The following POU2F1 variants were observed in gnomAD, a reference collection of about 807,000 sequenced individuals.
POU2F1 encodes the protein POU class 2 homeobox 1.
A neutral mutation model predicts 84.9 loss-of-function variants in POU2F1; 16 were observed. That is an observed-to-expected ratio of 0.19 (90% CI 0.13 to 0.29). POU2F1 has a LOEUF of 0.29. Ranked by LOEUF, POU2F1 falls within the 10% of genes least tolerant of loss-of-function variation. POU2F1 has a pLI of 1.00. For synonymous variants in POU2F1, 368 were observed against 368.3 expected, an observed-to-expected ratio of 1.00 and a Z score of 0.01; for missense variants, 738 against 942.6, an observed-to-expected ratio of 0.78 and a Z score of 2.84.
chr1:167,340,431 C>CTTTTTTTCTT (rs1657764011), intron 2 of POU2F1, among the ~76,000 whole-genome samples: 1 of 122,326 alleles, frequency 8.2e-6, no homozygotes, highest in African/African-American at 3.4e-5. Context: ...TTCTTTTTTT[C>CTTTTTTTCTT]TTTTTTTTTT....
Position 167,241,773 on chromosome 1 carries a change from T to C in POU2F1, c.61+20815T>C, listed in dbSNP as rs887372184. Among the ~76,000 whole-genome samples, 9 of 152,366 alleles carry C rather than the reference T, an allele frequency of 5.9e-5. No individual in the cohort carries two copies. The East Asian group carries it at 7.7e-4, about 13-fold the overall frequency. On this transcript the variant is annotated intron_variant, in intron 1 of 15. Coordinates refer to ENST00000367866, the MANE Select transcript of POU2F1 (RefSeq NM_002697.4). ...AACACTTATGTAGGCATCATTGTTATGTGTTTTATAGGTGTAGAAAACTGA... is the reference window on the plus strand; with the variant it reads ...AACACTTATGTAGGCATCATTGTTACGTGTTTTATAGGTGTAGAAAACTGA...
chr1:167,249,884 G>T (rs1208250489), intron 1 of POU2F1, among the ~76,000 whole-genome samples: 1 of 152,174 alleles, frequency 6.6e-6, no homozygotes, highest in Non-Finnish European at 1.5e-5. Context: ...ACTGTGATGA[G>T]CAATGAAATA....
chr1:167,381,374 C>T lies in POU2F1; in HGVS notation c.719-2483C>T, dbSNP rs544800360. ...CTGGGATTACAGGCGTGAGCCATGG[C>T]GCCTGGCCAAGCATTGGTTTTTTAA... On this transcript the variant is annotated intron_variant, in intron 7 of 15. Transcript: ENST00000367866. Among the ~76,000 whole-genome samples the T allele has an allele frequency of 6.6e-5, 10 of 152,230 alleles. No individual in the cohort carries two copies. In the East Asian group the frequency reaches 1.5e-3, roughly 24 times the overall value.
chr1:167,299,695 G>GTTTTTTTTTGTT (rs1654528975), intron 1 of POU2F1, among the ~76,000 whole-genome samples: 2 of 139,346 alleles, frequency 1.4e-5, no homozygotes, highest in African/African-American at 5.6e-5. Context: ...GGAGACCAGA[G>GTTTTTTTTTGTT]TTTTTTTTTT....
intron 1 of POU2F1, among the ~76,000 whole-genome samples, chr1:167,324,746 A>G (rs1049305100): frequency 1.1e-4 from 16 of 152,282 alleles, no homozygotes; most frequent in Admixed American, 6.5e-4. Context: ...ATGAAGTAAG[A>G]TTATCCTTCA....
intron 5 of POU2F1, among the ~76,000 whole-genome samples, chr1:167,373,507 A>G (rs759327346): frequency 3.9e-5 from 6 of 152,204 alleles, no homozygotes; most frequent in African/African-American, 1.2e-4. Context: ...CACCTGTTTC[A>G]TAGAGATAAT....
intron 1 of POU2F1, among the ~76,000 whole-genome samples, chr1:167,274,827 C>T (rs1652610245): frequency 6.6e-6 from 1 of 152,046 alleles, no homozygotes; most frequent in Non-Finnish European, 1.5e-5. Flanking sequence ...TGCTTGTTGC[C>T]TTTCATTAAT....
At chr1:167,364,399 G>A (rs1266641989) in intron 2 of POU2F1, among the ~76,000 whole-genome samples, 5 of 147,092 alleles carry the variant, frequency 3.4e-5, no homozygotes, top group African/African-American at 5.0e-5. Context: ...GCGTAGTGGC[G>A]GGCGCCTGTA....
intron 15 of POU2F1, 85 bp downstream of exon 15, chr1:167,413,199 GAGAT>G: frequency 8.2e-7 from 1 of 1,216,676 alleles, no homozygotes; most frequent in Non-Finnish European, 1.2e-6. Flanking sequence ...GCTTGAGACA[GAGAT>G]AGAGGAAGTC....
intron 3 of POU2F1, among the ~76,000 whole-genome samples, chr1:167,368,568 A>G (rs1659828007): frequency 6.6e-6 from 1 of 152,164 alleles, no homozygotes; most frequent in South Asian, 2.1e-4. Context: ...TAAAATTTTT[A>G]TCTTCTTCAA....
At chr1:167,365,235 A>T (rs960723496) in intron 2 of POU2F1, among the ~76,000 whole-genome samples, 2 of 152,048 alleles carry the variant, frequency 1.3e-5, no homozygotes, top group Non-Finnish European at 2.9e-5. Flanking sequence ...TATTATTTAT[A>T]TTTTTGTTTC....
intron 1 of POU2F1, among the ~76,000 whole-genome samples, chr1:167,267,226 G>C (rs939391679): frequency 7.0e-6 from 1 of 142,642 alleles, no homozygotes; most frequent in Non-Finnish European, 1.5e-5. Flanking sequence ...CTGTAAAAAG[G>C]AAAAAAAAAA....
intron 1 of POU2F1, among the ~76,000 whole-genome samples, chr1:167,310,217 A>G (rs543739256): frequency 6.6e-6 from 1 of 152,264 alleles, no homozygotes; most frequent in East Asian, 1.9e-4. Flanking sequence ...AAGAAATTGC[A>G]TTTAATATTA....
intron 1 of POU2F1, among the ~76,000 whole-genome samples, chr1:167,265,632 C>T (rs1006180963): frequency 5.9e-5 from 9 of 152,124 alleles, no homozygotes; most frequent in African/African-American, 2.2e-4. Flanking sequence ...ATATATAGCT[C>T]ATTTGAGGAG....
chr1:167,412,991 A>G (rs1391336186), intron 14 of POU2F1, 35 bp from the exon 15 acceptor site: 3 of 1,535,618 alleles, frequency 2.0e-6, no homozygotes, highest in Non-Finnish European at 2.7e-6. Context: ...CTGCGTCTGC[A>G]TGGTAATAAA....
At chr1:167,348,747 T>G (rs780066247) in intron 2 of POU2F1, among the ~76,000 whole-genome samples, 8 of 152,166 alleles carry the variant, frequency 5.3e-5, no homozygotes, top group Non-Finnish European at 8.8e-5. Context: ...ACCTTGGTTG[T>G]TTGTGCCTTG....
intron 13 of POU2F1, among the ~76,000 whole-genome samples, chr1:167,408,821 A>C (rs985669707): frequency 1.3e-5 from 2 of 152,238 alleles, no homozygotes; most frequent in Admixed American, 6.5e-5. Context: ...ATGAATTTTC[A>C]TGTGCTTACT....
In POU2F1 at chr1:167,317,186, C is replaced by T. The variant is rs549319612; in HGVS notation, c.62-15284C>T. 1.3e-4 allele frequency among the ~76,000 whole-genome samples: 20 copies of T among 152,298 alleles called. No homozygotes were observed. The South Asian group carries it at 4.1e-3, about 32-fold the overall frequency. ...GGGATTAGAGGCATGAGCCACCGTG[C>T]CTGGCTAGAACTCTAATACTAGACA... On this transcript the variant is annotated intron_variant, in intron 1 of 15. Transcript: ENST00000367866.
chr1:167,225,831 T>A (rs10800293), intron 1 of POU2F1, among the ~76,000 whole-genome samples: 61,615 of 152,100 alleles, frequency 0.41, 14,867 homozygotes, highest in East Asian at 0.69. Flanking sequence ...TATTTTTGTT[T>A]TGTTTTTTAA....
Sources: gnomAD v4.1 joint callset for allele counts (sites outside exome capture counted in the v4.1 genomes callset) on GRCh38, gnomAD v4.1.1 for gene constraint, MANE v1.5 for transcripts, NCBI Gene and HGNC (gene_info 2026-07-23, HGNC 2026-07-21) for gene names.